Variants in CACNA1C observed in about 807,000 individuals in gnomAD.
CACNA1C encodes the protein voltage-dependent L-type calcium channel subunit alpha-1C.
In CACNA1C, 30 loss-of-function variants were observed where a neutral mutation model predicts 229.0. That is an observed-to-expected ratio of 0.13 (90% confidence interval 0.10 to 0.18). The LOEUF (loss-of-function observed/expected upper bound fraction) is 0.18. Among genes scored for constraint, CACNA1C ranks in the 10% least tolerant of loss-of-function variants. The pLI, the probability that CACNA1C is intolerant of heterozygous loss-of-function variation, is 1.00. For synonymous variants in CACNA1C, 1,114 were observed against 1,132.5 expected (o/e 0.98, Z 0.33); for missense variants, 1,658 against 2,845.0 (o/e 0.58, Z 9.49).
At chr12:2,392,180 C>A (rs1269444851) in intron 3 of CACNA1C, among the ~76,000 whole-genome samples, 1 of 152,134 alleles carries the variant, frequency 6.6e-6, no homozygotes, top group Non-Finnish European at 1.5e-5. Context: ...CAGGCATTGA[C>A]CGATAATAAA....
chr12:2,445,496 C>T (rs2099268630), intron 3 of CACNA1C, among the ~76,000 whole-genome samples: 1 of 152,152 alleles, frequency 6.6e-6, no homozygotes, highest in Non-Finnish European at 1.5e-5. Context: ...TGCCAGGATG[C>T]AGGACAAATG....
intron 1 of CACNA1C, among the ~76,000 whole-genome samples, chr12:2,044,635 G>A (rs2050760690): frequency 1.3e-5 from 2 of 152,176 alleles, no homozygotes; most frequent in Admixed American, 1.3e-4. Flanking sequence ...AGATTTCAGG[G>A]ATGGGACCGC....
intron 3 of CACNA1C, among the ~76,000 whole-genome samples, chr12:2,128,008 T>C (rs910564941): frequency 1.3e-5 from 2 of 152,322 alleles, no homozygotes; most frequent in African/African-American, 4.8e-5. Flanking sequence ...ATCCCTCTTG[T>C]TCATGGCTGT....
chr12:2,310,811 A>G (rs1049977766), intron 3 of CACNA1C, among the ~76,000 whole-genome samples: 2 of 152,188 alleles, frequency 1.3e-5, no homozygotes, highest in African/African-American at 4.8e-5. Flanking sequence ...AGAAGAACCA[A>G]TGGTTGCCGC....
Position 2,654,348 on chromosome 12 carries a change from G to A in CACNA1C, c.4140+448G>A, listed in dbSNP as rs1323631248. Among the ~76,000 whole-genome samples the A allele has an allele frequency of 6.6e-6, 1 of 152,134 alleles. No homozygotes were observed. Among genetic ancestry groups the A allele is most frequent in the African/African-American group, 2.4e-5 (1 of 41,420 alleles). ...AAGCTAATGGCTGAGAGGGAGGGAG[G>A]GAAGAAGGAAGCAAGGAAGGGCCAA... On this transcript the variant is annotated intron_variant, in intron 33 of 46. Transcript: ENST00000399655. The surrounding 1 kb of genome is among the most constrained non-coding windows in gnomAD (Gnocchi z 4.4).
In CACNA1C at chr12:2,275,166, G is replaced by C. The variant is rs931273554; in HGVS notation, c.477+154736G>C. ...TTTATTTTGATCTGCTTGAAAATTA[G>C]TTGTGGCAGTGTGTTTGGTGTGTAA... On this transcript the variant is annotated intron_variant, in intron 3 of 46. Coordinates refer to ENST00000399655, the MANE Select transcript of CACNA1C (RefSeq NM_000719.7). The surrounding 1 kb of genome is among the most constrained non-coding windows in gnomAD (Gnocchi z 4.1). Among the ~76,000 whole-genome samples the C allele has an allele frequency of 6.6e-6, 1 of 152,222 alleles. No individual in the cohort carries two copies. Among genetic ancestry groups the C allele is most frequent in the Non-Finnish European group, 1.5e-5 (1 of 68,036 alleles).
chr12:2,441,354 T>C (rs949055972), intron 3 of CACNA1C, among the ~76,000 whole-genome samples: 2 of 149,656 alleles, frequency 1.3e-5, no homozygotes, highest in Non-Finnish European at 3.0e-5. Context: ...CTCCAGACTG[T>C]CCTGGTCCCA....
At position 2,319,319 on chromosome 12, in the gene CACNA1C, G is replaced by A. The variant is rs950469210; in HGVS notation, c.478-129657G>A. Among the ~76,000 whole-genome samples the A allele has an allele frequency of 6.6e-6, 1 of 152,086 alleles. No individual in the cohort carries two copies. Among genetic ancestry groups the A allele is most frequent in the East Asian group, 1.9e-4 (1 of 5,186 alleles). ...GTGCATGAAGGCGGCATGCATGGGG[G>A]TGCCGTGCATGGTGGGCAACATACA... On this transcript the variant is annotated intron_variant, in intron 3 of 46. Transcript: ENST00000399655. The surrounding 1 kb of genome is among the most constrained non-coding windows in gnomAD (Gnocchi z 4.0).
chr12:2,466,619 T>C (rs1248691206), intron 5 of CACNA1C, among the ~76,000 whole-genome samples: 2 of 152,200 alleles, frequency 1.3e-5, no homozygotes, highest in Middle Eastern at 3.2e-3. Context: ...CTGGTTGATG[T>C]GATTTAACAC....
intron 3 of CACNA1C, among the ~76,000 whole-genome samples, chr12:2,136,458 C>T (rs183154776): frequency 6.6e-6 from 1 of 151,558 alleles, no homozygotes; most frequent in Non-Finnish European, 1.5e-5. Context: ...CAAGTCTGTG[C>T]TTTTAACTGC....
chr12:2,395,304 C>T (rs905740065), intron 3 of CACNA1C, among the ~76,000 whole-genome samples: 25 of 151,800 alleles, frequency 1.6e-4, no homozygotes, highest in Admixed American at 4.6e-4. Context: ...TTGCAACCTC[C>T]GCCTTCTTGG....
intron 1 of CACNA1C, among the ~76,000 whole-genome samples, chr12:2,082,516 A>G (rs2066028740): frequency 1.3e-5 from 2 of 152,136 alleles, no homozygotes; most frequent in Non-Finnish European, 2.9e-5. Flanking sequence ...TGGTGTTGCT[A>G]GGAAATGCAG....
At chr12:2,661,360 A>G (rs1395551900) in intron 34 of CACNA1C, among the ~76,000 whole-genome samples, 1 of 152,148 alleles carries the variant, frequency 6.6e-6, no homozygotes, top group Non-Finnish European at 1.5e-5. Context: ...GACTTTTAAA[A>G]AGAAGACAGA....
intron 3 of CACNA1C, among the ~76,000 whole-genome samples, chr12:2,182,868 T>C (rs1050629802): frequency 2.0e-5 from 3 of 152,106 alleles, no homozygotes; most frequent in Non-Finnish European, 2.9e-5. Flanking sequence ...AGGGTTTAGA[T>C]GGTGCTGTCC....
At chr12:2,443,131 G>A (rs1194606891) in intron 3 of CACNA1C, among the ~76,000 whole-genome samples, 10 of 152,180 alleles carry the variant, frequency 6.6e-5, no homozygotes, top group Non-Finnish European at 1.2e-4. Context: ...GGAGGGCCCG[G>A]TAGGAGCAAG....
At chr12:2,590,959 C>CT (rs2065006051) in intron 18 of CACNA1C, among the ~76,000 whole-genome samples, 1 of 152,224 alleles carries the variant, frequency 6.6e-6, no homozygotes, top group South Asian at 2.1e-4. Context: ...ACTTATTCGA[C>CT]TTTAAGTAGA....
rs749945590 is a variant in CACNA1C at position 2,688,601 on chromosome 12, G to A, written c.5939G>A (p.Ser1980Asn). The A allele has an allele frequency of 1.2e-5, 20 of 1,613,886 alleles. No homozygotes were observed. The highest frequency in any genetic ancestry group is 1.5e-5 in the Non-Finnish European group (18 of 1,179,906). The change falls in exon 46 of 47, where the codon AGT (serine) becomes AAT (asparagine). Residue 1980 changes from serine to asparagine, a missense_variant. Physicochemically the swap from Ser to Asn is conservative, Grantham distance 46 (BLOSUM62 1). Transcript: ENST00000399655. ...CTGCGGCTTGAGGGGGTCGAGTCCA[G>A]TGAGAAACTCAACAGCAGCTTCCCA... The part of the protein sequence containing the change: ...PTLRLEGVES[S>N]EKLNSSFPSI...
chr12:2,127,262 A>G (rs936063197), intron 3 of CACNA1C, among the ~76,000 whole-genome samples: 10 of 152,144 alleles, frequency 6.6e-5, no homozygotes, highest in African/African-American at 2.4e-4. Context: ...AAGTTCTGAG[A>G]TGCGTCTGAG....
At chr12:2,449,481 C>T (rs1002438431) in intron 4 of CACNA1C, among the ~76,000 whole-genome samples, 2 of 152,176 alleles carry the variant, frequency 1.3e-5, no homozygotes, top group African/African-American at 4.8e-5. Context: ...TCTGGGGACC[C>T]CTCCCCACCT....
Sources: gnomAD v4.1 joint callset for allele counts (sites outside exome capture counted in the v4.1 genomes callset) on GRCh38, gnomAD v4.1.1 for gene constraint, Gnocchi (gnomAD v3.1) non-coding constraint, MANE v1.5 for transcripts, NCBI Gene and HGNC (gene_info 2026-07-23, HGNC 2026-07-21) for gene names.